RPS6KC1: variants seen among roughly 807,000 people sequenced by gnomAD.
The protein encoded by RPS6KC1 is inactive ribosomal protein S6 kinase delta-1.
In RPS6KC1, 54 loss-of-function variants were observed where a neutral mutation model predicts 103.8. The ratio of observed to expected loss-of-function variants is 0.52; its 90% CI spans 0.42 to 0.65. The LOEUF (loss-of-function observed/expected upper bound fraction) is 0.65, where lower values mean the gene tolerates loss of function less well. Ranked by LOEUF, RPS6KC1 falls within the 30% of genes least tolerant of loss-of-function variation. The probability of loss-of-function intolerance (pLI) is 0.00; values close to 1 mark genes in which losing one functional copy is unlikely to be tolerated. For synonymous variants in RPS6KC1, 439 were observed against 438.7 expected, an observed-to-expected ratio of 1.00 and a Z score of -0.01; for missense variants, 1,151 against 1,253.8, an observed-to-expected ratio of 0.92 and a Z score of 1.24.
the RPS6KC1 span, among the ~76,000 whole-genome samples, chr1:213,299,866 G>A: frequency 6.6e-6 from 1 of 152,070 alleles, no homozygotes; most frequent in Middle Eastern, 3.2e-3. Flanking sequence ...GTGCAGTGGC[G>A]TGATTTCTGC....
chr1:213,654,059 T>C, the RPS6KC1 span, among the ~76,000 whole-genome samples: 1 of 152,366 alleles, frequency 6.6e-6, no homozygotes, highest in East Asian at 1.9e-4. Flanking sequence ...CAAACTGTGC[T>C]AGAACCAACG....
intron 6 of RPS6KC1, among the ~76,000 whole-genome samples, chr1:213,152,192 A>C (rs1479057994): frequency 2.8e-5 from 3 of 107,874 alleles, no homozygotes; most frequent in African/African-American, 3.7e-5. Flanking sequence ...CTGACCCCCC[A>C]CCTCCCTCCT....
At chr1:213,404,332 T>C in the RPS6KC1 span, among the ~76,000 whole-genome samples, 3 of 152,208 alleles carry the variant, frequency 2.0e-5, no homozygotes, top group African/African-American at 7.2e-5. Flanking sequence ...ATGGGAGCAC[T>C]GGCCAGGTAG....
the RPS6KC1 span, among the ~76,000 whole-genome samples, chr1:213,796,750 C>G: frequency 6.6e-6 from 1 of 152,180 alleles, no homozygotes; most frequent in Non-Finnish European, 1.5e-5. Flanking sequence ...CTGTGTCAAA[C>G]AGCTGTAATA....
chr1:213,854,023 G>A, the RPS6KC1 span, among the ~76,000 whole-genome samples: 1 of 152,174 alleles, frequency 6.6e-6, no homozygotes, highest in Admixed American at 6.5e-5. Flanking sequence ...GTAAGATGAG[G>A]CAAAAGCAAA....
the RPS6KC1 span, among the ~76,000 whole-genome samples, chr1:213,729,725 T>C: frequency 6.6e-6 from 1 of 151,800 alleles, no homozygotes; most frequent in South Asian, 2.1e-4. Flanking sequence ...ACTTATTCTT[T>C]TTTTATTTTT....
the RPS6KC1 span, among the ~76,000 whole-genome samples, chr1:213,482,810 G>A: frequency 6.6e-6 from 1 of 151,998 alleles, no homozygotes; most frequent in African/African-American, 2.4e-5. Flanking sequence ...GCCTCCCAAA[G>A]TGACCTTTGT....
chr1:213,545,689 C>T, the RPS6KC1 span, among the ~76,000 whole-genome samples: 1 of 152,064 alleles, frequency 6.6e-6, no homozygotes, highest in South Asian at 2.1e-4. Flanking sequence ...AGGACTTCAA[C>T]ACACTGGGGG....
At chr1:213,674,509 A>G in the RPS6KC1 span, among the ~76,000 whole-genome samples, 42 of 152,206 alleles carry the variant, frequency 2.8e-4, no homozygotes, top group Admixed American at 2.6e-3. Context: ...CATTGTGTAT[A>G]TATACACCAC....
At chr1:213,535,724 G>A in the RPS6KC1 span, among the ~76,000 whole-genome samples, 1 of 152,112 alleles carries the variant, frequency 6.6e-6, no homozygotes, top group African/African-American at 2.4e-5. Flanking sequence ...TCACCAAAAG[G>A]GCTGCAACAG....
intron 5 of RPS6KC1, among the ~76,000 whole-genome samples, chr1:213,118,037 A>AAAAAAAAAAAAAAAAAAAAAAAC (rs2083896060): frequency 6.7e-6 from 1 of 149,230 alleles, no homozygotes; most frequent in African/African-American, 2.5e-5. Flanking sequence ...AAAAAAAAAA[A>AAAAAAAAAAAAAAAAAAAAAAAC]AAGCCTTACT....
At chr1:213,594,551 T>G in the RPS6KC1 span, among the ~76,000 whole-genome samples, 117 of 152,298 alleles carry the variant, frequency 7.7e-4, no homozygotes, top group African/African-American at 2.5e-3. Flanking sequence ...TGAAACTGAC[T>G]TTTAATCAAG....
chr1:213,437,735 A>T, the RPS6KC1 span, among the ~76,000 whole-genome samples: 13 of 150,756 alleles, frequency 8.6e-5, no homozygotes, highest in African/African-American at 2.9e-4. Context: ...ATTTTGCTTA[A>T]TTTTTCTGCC....
chr1:213,264,886 C>A (rs2094879888), intron 14 of RPS6KC1, among the ~76,000 whole-genome samples: 1 of 152,078 alleles, frequency 6.6e-6, no homozygotes, highest in African/African-American at 2.4e-5. Context: ...CCCCTGTACC[C>A]CTGGTTCAGT....
At chr1:213,662,171 G>A in the RPS6KC1 span, among the ~76,000 whole-genome samples, 1 of 152,070 alleles carries the variant, frequency 6.6e-6, no homozygotes, top group East Asian at 1.9e-4. Context: ...TGTGTGAGGA[G>A]GGTAAGGGAT....
intron 8 of RPS6KC1, among the ~76,000 whole-genome samples, chr1:213,220,649 A>G (rs749312998): frequency 6.6e-6 from 1 of 152,202 alleles, no homozygotes. Flanking sequence ...TAAAACTAAG[A>G]GTTAAAAGAT....
the RPS6KC1 span, among the ~76,000 whole-genome samples, chr1:213,725,928 G>C: frequency 1.4e-4 from 22 of 152,014 alleles, no homozygotes; most frequent in East Asian, 4.1e-3. Context: ...ACTTTATTGT[G>C]TTACAATTTT....
the RPS6KC1 span, among the ~76,000 whole-genome samples, chr1:213,682,435 A>G: frequency 2.0e-5 from 3 of 152,354 alleles, no homozygotes; most frequent in East Asian, 5.8e-4. Context: ...CTCACAGTCT[A>G]TGGAGGGAAA....
the RPS6KC1 span, chr1:213,821,849 A>C: frequency 6.6e-6 from 1 of 152,252 alleles, no homozygotes; most frequent in Non-Finnish European, 1.5e-5. Context: ...TTGCTGGGGA[A>C]ATGTGGCTTC....
Sources: allele counts gnomAD v4.1 joint callset (sites outside exome capture counted in the v4.1 genomes callset), GRCh38; gene constraint gnomAD v4.1.1; transcripts MANE v1.5; gene names NCBI Gene and HGNC (gene_info 2026-07-23, HGNC 2026-07-21).